DCT: variants seen among roughly 807,000 people sequenced by gnomAD.
The protein encoded by DCT is dopachrome tautomerase.
DCT carries 47 observed loss-of-function variants against 53.0 expected under a neutral mutation model. The observed-to-expected ratio is 0.89, with a 90% CI of 0.70 to 1.13. DCT has a LOEUF of 1.13. Ranked by LOEUF, DCT falls within the 50% of genes most tolerant of loss-of-function variation. The probability of loss-of-function intolerance (pLI) is 0.00; values close to 1 mark genes in which losing one functional copy is unlikely to be tolerated. For missense variants in DCT, 669 were observed against 637.4 expected (o/e 1.05, Z -0.53); for synonymous variants, 244 against 237.0 (o/e 1.03, Z -0.27).
At chr13:94,492,048 G>A in the DCT span, among the ~76,000 whole-genome samples, 1 of 152,182 alleles carries the variant, frequency 6.6e-6, no homozygotes, top group East Asian at 1.9e-4. Context: ...GGACAACCAG[G>A]GGTGAGTAAA....
At chr13:94,517,896 C>T in the DCT span, among the ~76,000 whole-genome samples, 1 of 152,106 alleles carries the variant, frequency 6.6e-6, no homozygotes, top group East Asian at 1.9e-4. Flanking sequence ...AATGAATTCT[C>T]CCCACTACAG....
the DCT span, among the ~76,000 whole-genome samples, chr13:94,547,441 T>C: frequency 6.6e-6 from 1 of 152,014 alleles, no homozygotes; most frequent in Non-Finnish European, 1.5e-5. Context: ...TTAAAAACTT[T>C]CACTCCCGCT....
At chr13:94,450,789 A>G (rs1290672989) in intron 6 of DCT, among the ~76,000 whole-genome samples, 1 of 152,218 alleles carries the variant, frequency 6.6e-6, no homozygotes, top group African/African-American at 2.4e-5. Flanking sequence ...AAGAGATTCT[A>G]GACAGAGACT....
the DCT span, among the ~76,000 whole-genome samples, chr13:94,487,186 T>C: frequency 6.6e-6 from 1 of 152,204 alleles, no homozygotes; most frequent in East Asian, 1.9e-4. Context: ...TGGTTACCAA[T>C]GGAAGCCATC....
chr13:94,489,494 T>C, the DCT span, among the ~76,000 whole-genome samples: 10 of 152,314 alleles, frequency 6.6e-5, no homozygotes, highest in East Asian at 1.9e-3. Flanking sequence ...GATATGGCAT[T>C]GGATATAAAT....
chr13:94,534,992 T>C, the DCT span, among the ~76,000 whole-genome samples: 5 of 152,332 alleles, frequency 3.3e-5, no homozygotes, highest in South Asian at 1.0e-3. Flanking sequence ...ATCCTCCCAC[T>C]TCAGCCTCCC....
At chr13:94,520,517 C>T in the DCT span, among the ~76,000 whole-genome samples, 7 of 152,210 alleles carry the variant, frequency 4.6e-5, no homozygotes, top group Admixed American at 2.6e-4. Context: ...GTTGAGGAGC[C>T]TCAGATCAGT....
the DCT span, among the ~76,000 whole-genome samples, chr13:94,524,465 C>T: frequency 6.6e-6 from 1 of 152,370 alleles, no homozygotes; most frequent in Admixed American, 6.5e-5. Flanking sequence ...TCCCTGGCAG[C>T]AATCCCCTCT....
chr13:94,493,153 T>C, the DCT span, among the ~76,000 whole-genome samples: 1 of 152,176 alleles, frequency 6.6e-6, no homozygotes. Context: ...TCAGATCTAA[T>C]ATACTCTATA....
chr13:94,443,637 C>T lies in DCT; in HGVS notation c.1180G>A (p.Val394Ile), dbSNP rs761128951. 6.2e-7 allele frequency: 1 copy of T among 1,612,432 alleles called. No individual in the cohort carries two copies. Among genetic ancestry groups the T allele is most frequent in the South Asian group, 1.1e-5 (1 of 91,036 alleles). ...HSAANDPIFV[V>I]LHSFTDAIFD... is the part of the protein sequence containing the mutation. ...ATGGCATCAGTAAAGGAATGAAGAA[C>T]CTGCAAAACAGTTGGACACAGCATT... Residue 394 changes from valine to isoleucine, a missense_variant and splice_region_variant, in exon 7 of 8, where the codon GTT becomes ATT. Coordinates refer to ENST00000377028, the MANE Select transcript of DCT (RefSeq NM_001922.5).
the DCT span, among the ~76,000 whole-genome samples, chr13:94,517,305 A>G: frequency 6.6e-6 from 1 of 152,212 alleles, no homozygotes; most frequent in African/African-American, 2.4e-5. Flanking sequence ...TTCAAGGTCC[A>G]TGTTGACACT....
the DCT span, among the ~76,000 whole-genome samples, chr13:94,502,446 C>G: frequency 6.6e-6 from 1 of 152,214 alleles, no homozygotes; most frequent in Non-Finnish European, 1.5e-5. Flanking sequence ...CCCTGCCAGA[C>G]TCTTTGGGAG....
intron 1 of DCT, among the ~76,000 whole-genome samples, chr13:94,475,842 T>A (rs190137946): frequency 6.6e-6 from 1 of 152,354 alleles, no homozygotes; most frequent in African/African-American, 2.4e-5. Flanking sequence ...GTAACAATTA[T>A]GCCTCAATAA....
chr13:94,472,564 ATATATTTTTTTTTTTTTTTTTTTT>A (rs1884803127), intron 1 of DCT, among the ~76,000 whole-genome samples: 2 of 18,050 alleles, frequency 1.1e-4, no homozygotes, highest in Non-Finnish European at 1.8e-4. Context: ...ATATATATAT[ATATATTTTTTTTTTTTTTTTTTTT>A]TTTTTTTTTT....
chr13:94,466,640 C>T lies in DCT; in HGVS notation c.614G>A (p.Arg205Lys). 5 of 1,607,050 alleles carry T rather than the reference C, an allele frequency of 3.1e-6. No individual in the cohort carries two copies. The South Asian group carries it at 5.6e-5, about 18-fold the overall frequency. ...TCCTTGATGTGAGAAATCTATGGCC[C>T]TGTAGGGGCGTCCTGGTCCTGAAAC... is the stretch of plus-strand genomic sequence containing the variant. ...DTLLGPGRPY[R>K]AIDFSHQGPA... Residue 205 changes from arginine to lysine, a missense_variant, in exon 3 of 8, where the codon AGG becomes AAG. By Grantham distance (26) the Arg-to-Lys change is conservative (BLOSUM62 2). Transcript: ENST00000377028.
intron 6 of DCT, chr13:94,445,877 G>C: frequency 1.5e-6 from 1 of 664,496 alleles, no homozygotes. Flanking sequence ...AGGCAGGGGA[G>C]AAACTGTGGG....
chr13:94,520,066 A>G, the DCT span, among the ~76,000 whole-genome samples: 2 of 152,212 alleles, frequency 1.3e-5, no homozygotes, highest in African/African-American at 2.4e-5. Context: ...AATAATCTCA[A>G]TGTTAGCTCC....
the DCT span, among the ~76,000 whole-genome samples, chr13:94,524,833 T>C: frequency 6.6e-6 from 1 of 152,108 alleles, no homozygotes; most frequent in African/African-American, 2.4e-5. Context: ...TGTAACTAGT[T>C]AAGATGAGGT....
At chr13:94,482,437 A>C (rs1885482963), upstream of DCT, among the ~76,000 whole-genome samples, 1 of 152,146 alleles carries the variant, frequency 6.6e-6, no homozygotes, top group Admixed American at 6.5e-5. Flanking sequence ...TCAGCTTCTC[A>C]GAGAGGCCTT....
Sources: allele counts gnomAD v4.1 joint callset (sites outside exome capture counted in the v4.1 genomes callset), GRCh38; gene constraint gnomAD v4.1.1; transcripts MANE v1.5; gene names NCBI Gene and HGNC (gene_info 2026-07-23, HGNC 2026-07-21).